ELMOD1: variants seen among roughly 807,000 people sequenced by gnomAD.
The protein encoded by ELMOD1 is ELMO domain-containing protein 1.
In ELMOD1, 21 loss-of-function variants were observed where a neutral mutation model predicts 46.7. That is an observed-to-expected ratio of 0.45 (90% CI 0.32 to 0.65). The LOEUF (loss-of-function observed/expected upper bound fraction) is 0.65. ELMOD1 is among the 30% of genes least tolerant of loss of function. The probability of loss-of-function intolerance (pLI) is 0.04; values close to 1 mark genes in which losing one functional copy is unlikely to be tolerated. For synonymous variants in ELMOD1, 122 were observed against 138.2 expected, an observed-to-expected ratio of 0.88 and a Z score of 0.82; for missense variants, 348 against 407.8, an observed-to-expected ratio of 0.85 and a Z score of 1.26.
At chr11:107,598,097 C>T (rs1172794820) in intron 1 of ELMOD1, among the ~76,000 whole-genome samples, 3 of 152,114 alleles carry the variant, frequency 2.0e-5, no homozygotes, top group African/African-American at 7.2e-5. Flanking sequence ...ACAATGCCAT[C>T]TGAATCTCTT....
Position 107,665,050 on chromosome 11 carries a change from G to A in ELMOD1, c.858G>A (p.Lys286=), listed in dbSNP as rs1426548295. The part of the protein sequence containing the change: ...TFCYLMHEFH[K]FWIEEDPMDI... ...GCTATTTGATGCATGAATTTCATAA[G>A]TTTTGGATCGAAGAGGACCCCATGG... The change falls in exon 12 of 12, where the codon AAG becomes AAA. Residue 286 remains lysine (K), a synonymous_variant. Transcript: ENST00000265840. 6.2e-7 allele frequency: 1 copy of A among 1,613,504 alleles called. No individual in the cohort carries two copies. The highest frequency in any genetic ancestry group is 8.5e-7 in the Non-Finnish European group (1 of 1,179,776).
At chr11:107,632,874 T>C (rs545580364) in intron 5 of ELMOD1, among the ~76,000 whole-genome samples, 8 of 152,266 alleles carry the variant, frequency 5.3e-5, no homozygotes, top group Middle Eastern at 3.4e-3. Flanking sequence ...TTGTTCTCAT[T>C]TTTTTAAAAG....
chr11:107,641,623 C>T (rs1000259552), intron 6 of ELMOD1, among the ~76,000 whole-genome samples: 1 of 152,138 alleles, frequency 6.6e-6, no homozygotes, highest in African/African-American at 2.4e-5. Flanking sequence ...ACATCATTTA[C>T]ATGCCTTATC....
chr11:107,626,656 T>TTTTC (rs1555064837), intron 2 of ELMOD1, among the ~76,000 whole-genome samples: 39 of 147,482 alleles, frequency 2.6e-4, no homozygotes, highest in Non-Finnish European at 5.2e-4. Context: ...CTTTCTTTCT[T>TTTTC]TTTCTTTCTT....
intron 2 of ELMOD1, among the ~76,000 whole-genome samples, chr11:107,629,302 T>C (rs538655960): frequency 1.4e-5 from 2 of 146,530 alleles, no homozygotes; most frequent in Non-Finnish European, 3.1e-5. Flanking sequence ...TATATCTGAG[T>C]GACCATGCAT....
intron 2 of ELMOD1, among the ~76,000 whole-genome samples, chr11:107,621,686 T>TC (rs60632489): frequency 4.6e-5 from 7 of 150,634 alleles, no homozygotes; most frequent in South Asian, 4.3e-4. Flanking sequence ...TGTGTCACAT[T>TC]ACCCCATTAC....
intron 1 of ELMOD1, among the ~76,000 whole-genome samples, chr11:107,599,765 G>GAAAAGA (rs989681162): frequency 1.1e-3 from 88 of 78,950 alleles, no homozygotes; most frequent in Middle Eastern, 5.7e-3. Flanking sequence ...AAAAAGAAAA[G>GAAAAGA]AAAAAAAAAA....
At position 107,647,552 on chromosome 11, in the gene ELMOD1, C is replaced by A. The variant is rs2135706631; in HGVS notation, c.505C>A (p.Pro169Thr). The change falls in exon 7 of 12, where the codon CCT (proline) becomes ACT (threonine). Residue 169 changes from proline (P) to threonine (T), a missense_variant. Transcript: ENST00000265840. The part of the protein sequence containing the change: ...WCEIGFQGDD[P>T]KTDFRGMGLL... ...TGAAATTGGTTTCCAAGGTGATGATCCTAAAACAGACTTTCGAGGAATGGG... is the reference window on the plus strand; with the variant it reads ...TGAAATTGGTTTCCAAGGTGATGATACTAAAACAGACTTTCGAGGAATGGG... The A allele has an allele frequency of 6.2e-7, 1 of 1,613,414 alleles. No homozygotes were observed. Among genetic ancestry groups the A allele is most frequent in the Non-Finnish European group, 8.5e-7 (1 of 1,179,698 alleles).
At position 107,609,536 on chromosome 11, in the gene ELMOD1, TAGAG is replaced by T. The variant is rs1865741408; in HGVS notation, c.-85-8565_-85-8562del. Among the ~76,000 whole-genome samples, 9 of 152,312 alleles carry T rather than the reference TAGAG, an allele frequency of 5.9e-5. No homozygotes were observed. In the South Asian group the frequency reaches 1.7e-3, roughly 28 times the overall value. ...CTAATTCATTCCCTGGGGTGCTTAA[TAGAG>T]AGATCGACTTCTAAGAGTTAGGGTT... On this transcript the variant is annotated intron_variant, in intron 1 of 11. Transcript: ENST00000265840.
At chr11:107,613,734 T>C (rs1232122661) in intron 1 of ELMOD1, among the ~76,000 whole-genome samples, 4 of 152,232 alleles carry the variant, frequency 2.6e-5, no homozygotes, top group African/African-American at 9.6e-5. Flanking sequence ...ATAAACTATT[T>C]CTAAAATGCA....
At chr11:107,659,672 T>C (rs1005432110) in intron 11 of ELMOD1, among the ~76,000 whole-genome samples, 7 of 148,756 alleles carry the variant, frequency 4.7e-5, no homozygotes, top group Admixed American at 1.3e-4. Context: ...GGTGGATGGA[T>C]GGATGGATGG....
In ELMOD1 at chr11:107,610,661, TA is replaced by T. The variant is rs1191411968; in HGVS notation, c.-85-7425del. On this transcript the variant is annotated intron_variant, in intron 1 of 11. Coordinates refer to ENST00000265840, the MANE Select transcript of ELMOD1 (RefSeq NM_018712.4). ...CTGGGTGACAGGGTGAGATCCTATC[TA>T]AAAAAAAAAAAAAAAAAAGTAAATA... 3.4e-3 allele frequency among the ~76,000 whole-genome samples: 346 copies of T among 100,756 alleles called. 3 individuals carry two copies. Among genetic ancestry groups the T allele is most frequent in the East Asian group, 0.027 (99 of 3,702 alleles). 66.1% of individuals were successfully genotyped at this position (100,756 alleles called of 152,430 possible).
chr11:107,651,125 A>G (rs1234345236), intron 9 of ELMOD1, among the ~76,000 whole-genome samples: 1 of 152,202 alleles, frequency 6.6e-6, no homozygotes, highest in Non-Finnish European at 1.5e-5. Flanking sequence ...GTCTTTCTAC[A>G]GCCATGACGG....
chr11:107,607,434 T>A (rs1051597132), intron 1 of ELMOD1, among the ~76,000 whole-genome samples: 2 of 152,126 alleles, frequency 1.3e-5, no homozygotes, highest in African/African-American at 4.8e-5. Flanking sequence ...GGCAGGCGGA[T>A]CACTTTAGCT....
At chr11:107,623,819 A>T (rs893622538) in intron 2 of ELMOD1, 6 of 151,898 alleles carry the variant, frequency 4.0e-5, no homozygotes, top group Non-Finnish European at 7.4e-5. Context: ...CACTTTTTCC[A>T]CTGCCATATC....
chr11:107,591,511 C>T (rs975456306), intron 1 of ELMOD1, 102 bp downstream of exon 1: 4 of 235,250 alleles, frequency 1.7e-5, no homozygotes, highest in African/African-American at 6.9e-5. Context: ...CTGCGCTGTG[C>T]CTGGGAGGCA....
At chr11:107,654,310 C>A in intron 10 of ELMOD1, 88 bp downstream of exon 10, 1 of 1,119,818 alleles carries the variant, frequency 8.9e-7, no homozygotes, top group Non-Finnish European at 1.3e-6. Flanking sequence ...AAGGGTGAAA[C>A]TCTACTTGTC....
At chr11:107,662,625 A>C (rs1397699345) in intron 11 of ELMOD1, among the ~76,000 whole-genome samples, 1 of 141,274 alleles carries the variant, frequency 7.1e-6, no homozygotes, top group African/African-American at 2.7e-5. Flanking sequence ...AAAAAACAAC[A>C]AAAAAAAACT....
intron 1 of ELMOD1, among the ~76,000 whole-genome samples, chr11:107,606,919 C>T (rs1394504961): frequency 6.6e-6 from 1 of 152,068 alleles, no homozygotes; most frequent in Admixed American, 6.5e-5. Flanking sequence ...TCAAGTGTCT[C>T]ACCACAAAAA....
Sources: allele counts gnomAD v4.1 joint callset (sites outside exome capture counted in the v4.1 genomes callset), GRCh38; gene constraint gnomAD v4.1.1; transcripts MANE v1.5; gene names NCBI Gene and HGNC (gene_info 2026-07-23, HGNC 2026-07-21).